Variants in TYW5 observed in about 807,000 individuals in gnomAD.
The protein encoded by TYW5 is tRNA wybutosine-synthesizing protein 5.
TYW5 carries 36 observed loss-of-function variants against 44.4 expected under a neutral mutation model. That is an observed-to-expected ratio of 0.81 (90% CI 0.62 to 1.07). The LOEUF (loss-of-function observed/expected upper bound fraction) is 1.07, where lower values mean the gene tolerates loss of function less well. Ranked by LOEUF, TYW5 falls within the 50% of genes least tolerant of loss-of-function variation. TYW5 has a pLI of 0.00. For missense variants in TYW5, 354 were observed against 365.7 expected (o/e 0.97, Z 0.26); for synonymous variants, 121 against 128.1 (o/e 0.94, Z 0.37).
At position 199,930,849 on chromosome 2, in the gene TYW5, T is replaced by C. The variant is rs1408842755; in HGVS notation, c.*2218A>G. On this transcript the variant is annotated 3_prime_UTR_variant, in exon 8 of 8. Coordinates refer to ENST00000354611, the MANE Select transcript of TYW5 (RefSeq NM_001039693.3). ...GTGAACCCAGACAATCATTAAGCAA[T>C]CTGGGTTGGTTAGATGGCTTCTAAG... 1 of 152,176 alleles carries C rather than the reference T, an allele frequency of 6.6e-6. No individual in the cohort carries two copies. Among genetic ancestry groups the C allele is most frequent in the Non-Finnish European group, 1.5e-5 (1 of 68,036 alleles). 9.4% of individuals were successfully genotyped at this position (152,176 alleles called of 1,614,324 possible). A position where few individuals can be genotyped will look rare whatever the true frequency, so the allele number is the denominator to read the frequency against.
intron 1 of TYW5, among the ~76,000 whole-genome samples, chr2:199,954,799 C>T (rs1358797404): frequency 6.6e-6 from 1 of 152,180 alleles, no homozygotes; most frequent in Non-Finnish European, 1.5e-5. Flanking sequence ...TTTTTCCTAC[C>T]ATAAACTGAC....
At chr2:199,954,648 C>G (rs1438793187) in intron 1 of TYW5, among the ~76,000 whole-genome samples, 1 of 151,934 alleles carries the variant, frequency 6.6e-6, no homozygotes, top group African/African-American at 2.4e-5. Context: ...TGGTCTTGAA[C>G]TCCTGACCTC....
chr2:199,945,150 T>C (rs2077494585), intron 2 of TYW5: 1 of 152,070 alleles, frequency 6.6e-6, no homozygotes, highest in Non-Finnish European at 1.5e-5. Flanking sequence ...AAGCTACCGG[T>C]TTCTATGGAC....
At chr2:199,942,071 C>CTT (rs112042654) in intron 3 of TYW5, 8 of 144,822 alleles carry the variant, frequency 5.5e-5, no homozygotes, top group Admixed American at 1.4e-4. Flanking sequence ...TTTTTCTTTT[C>CTT]TTTTTTTTTT....
chr2:199,943,736 C>T (rs756231075), intron 3 of TYW5, 29 bp downstream of exon 3: 1 of 1,563,608 alleles, frequency 6.4e-7, no homozygotes, highest in South Asian at 1.2e-5. Context: ...ATATTAATGC[C>T]TTCTTTTAAA....
chr2:199,933,311 T>G lies in TYW5; in HGVS notation c.704A>C (p.His235Pro). 4 of 1,607,272 alleles carry G rather than the reference T, an allele frequency of 2.5e-6. No homozygotes were observed. Among genetic ancestry groups the G allele is most frequent in the Non-Finnish European group, 3.4e-6 (4 of 1,177,564 alleles). The change falls in exon 8 of 8, where the codon CAT (histidine) becomes CCT (proline). Residue 235 changes from histidine (H) to proline (P), a missense_variant. Physicochemically the swap from His to Pro is moderately conservative, Grantham distance 77. Coordinates refer to ENST00000354611, the MANE Select transcript of TYW5 (RefSeq NM_001039693.3). ...TCCAAACTCTTCAGAAATTACATTATGGAACCATAAAGCTGGAGAAAGTTT... is the reference window on the plus strand; with the variant it reads ...TCCAAACTCTTCAGAAATTACATTAGGGAACCATAAAGCTGGAGAAAGTTT... The part of the protein sequence containing the change: ...DVLFIPALWF[H>P]NVISEEFGVG...
chr2:199,951,659 C>T (rs1658810), intron 1 of TYW5, among the ~76,000 whole-genome samples: 126,473 of 152,174 alleles, frequency 0.83, 52,668 homozygotes, highest in South Asian at 0.91. Flanking sequence ...ATCTCTTCCC[C>T]TTGTTTTTTA....
chr2:199,932,783 C>T lies in TYW5; in HGVS notation c.*284G>A. 2.8e-6 allele frequency: 1 copy of T among 354,018 alleles called. No individual in the cohort carries two copies. Among genetic ancestry groups the T allele is most frequent in the South Asian group, 3.9e-5 (1 of 25,618 alleles). The allele number at this position is 354,018 out of a possible 1,614,324, so 21.9% of individuals were successfully genotyped here. A position where few individuals can be genotyped will look rare whatever the true frequency, so the allele number is the denominator to read the frequency against. On this transcript the variant is annotated 3_prime_UTR_variant, in exon 8 of 8. Coordinates refer to ENST00000354611, the MANE Select transcript of TYW5 (RefSeq NM_001039693.3). ...TCATTGGATCAGAAACACTGCAGCA[C>T]ATTCTGTCAATAGATTTCATGTATT...
chr2:199,940,615 GA>G (rs199517987), intron 3 of TYW5, among the ~76,000 whole-genome samples: 1,414 of 107,654 alleles, frequency 0.013, 27 homozygotes, highest in East Asian at 0.11. Context: ...TTTCAAAAAA[GA>G]AAAAAAAAAA....
chr2:199,929,453 T>TATG lies in TYW5; in HGVS notation c.*3611_*3613dup, dbSNP rs1491285033. On this transcript the variant is annotated 3_prime_UTR_variant, in exon 8 of 8. Coordinates refer to ENST00000354611, the MANE Select transcript of TYW5 (RefSeq NM_001039693.3). ...AGAGATGTGTGGGTGACTGCCAATCTATGTTAGTTCCTCCTGACTACATCT... is the reference window on the plus strand; with the variant it reads ...AGAGATGTGTGGGTGACTGCCAATCTATGATGTTAGTTCCTCCTGACTACATCT... 6.6e-6 allele frequency among the ~76,000 whole-genome samples: 1 copy of TATG among 152,128 alleles called. No individual in the cohort carries two copies. The highest frequency in any genetic ancestry group is 2.4e-5 in the African/African-American group (1 of 41,424).
At position 199,933,341 on chromosome 2, in the gene TYW5, A is replaced by G. The variant is rs2077395106; in HGVS notation, c.692-18T>C. On this transcript the variant is annotated intron_variant, in intron 7 of 7. Coordinates refer to ENST00000354611, the MANE Select transcript of TYW5 (RefSeq NM_001039693.3). ...CCATAAAGCTGGAGAAAGTTTAAAA[A>G]ACAAGTTAAAAATAAAACCTACAGT... The G allele has an allele frequency of 6.4e-7, 1 of 1,574,140 alleles. No individual in the cohort carries two copies. Among genetic ancestry groups the G allele is most frequent in the East Asian group, 2.2e-5 (1 of 44,586 alleles).
intron 1 of TYW5, among the ~76,000 whole-genome samples, chr2:199,950,106 G>A (rs1049881938): frequency 6.6e-6 from 1 of 151,840 alleles, no homozygotes; most frequent in Admixed American, 6.6e-5. Flanking sequence ...ATATGTGAGG[G>A]TCTATGTATA....
In TYW5 at chr2:199,933,050, T is replaced by C. The variant is rs771207517; in HGVS notation, c.*17A>G. 2.3e-5 allele frequency: 37 copies of C among 1,611,496 alleles called. No individual in the cohort carries two copies. The highest frequency in any genetic ancestry group is 3.1e-5 in the Non-Finnish European group (37 of 1,178,956). On this transcript the variant is annotated 3_prime_UTR_variant, in exon 8 of 8. Transcript: ENST00000354611. ...ACCTTACTAAAGTGTTAATGTGCAT[T>C]GCATTCACTTCATTATTTACTCAGA...
chr2:199,935,060 T>A (rs1414478182), intron 7 of TYW5, among the ~76,000 whole-genome samples: 4 of 152,062 alleles, frequency 2.6e-5, no homozygotes, highest in Non-Finnish European at 4.4e-5. Flanking sequence ...GAAATATTTT[T>A]AAAATAAAAT....
intron 1 of TYW5, 105 bp from the exon 2 acceptor site, chr2:199,948,577 C>T: frequency 1.8e-6 from 2 of 1,116,452 alleles, no homozygotes; most frequent in South Asian, 1.4e-5. Context: ...CTGACTCTTG[C>T]TCCCAAGATG....
chr2:199,936,149 T>C (rs2077419094), intron 6 of TYW5, 102 bp from the exon 7 acceptor site: 3 of 785,124 alleles, frequency 3.8e-6, no homozygotes, highest in Admixed American at 4.4e-5. Context: ...TTCTATCCAG[T>C]TACTTACTGT....
chr2:199,935,770 A>ACACACG (rs1553568291), intron 7 of TYW5, among the ~76,000 whole-genome samples, 161 bp downstream of exon 7: 1 of 145,754 alleles, frequency 6.9e-6, no homozygotes, highest in African/African-American at 2.5e-5. Flanking sequence ...ACACACATAC[A>ACACACG]CACACACGCA....
intron 2 of TYW5, chr2:199,946,468 G>C (rs1237963672): frequency 6.6e-6 from 1 of 152,152 alleles, no homozygotes; most frequent in African/African-American, 2.4e-5. Flanking sequence ...AACCTTACAT[G>C]ATGAGACTTT....
intron 5 of TYW5, 33 bp downstream of exon 5, chr2:199,938,900 T>C: frequency 1.3e-6 from 2 of 1,566,272 alleles, no homozygotes; most frequent in Non-Finnish European, 1.7e-6. Flanking sequence ...AAAGATCTAT[T>C]GTAGCTTTAA....
Sources: gnomAD v4.1 joint callset for allele counts (sites outside exome capture counted in the v4.1 genomes callset) on GRCh38, gnomAD v4.1.1 for gene constraint, MANE v1.5 for transcripts, NCBI Gene and HGNC (gene_info 2026-07-23, HGNC 2026-07-21) for gene names.